The following CADPS variants were observed in gnomAD, a reference collection of about 807,000 sequenced individuals.
The protein encoded by CADPS is calcium dependent secretion activator.
Under a neutral mutation model 167.3 loss-of-function variants are expected in CADPS, and 57 were observed. That is an observed-to-expected ratio of 0.34 (90% CI 0.28 to 0.42). The LOEUF (loss-of-function observed/expected upper bound fraction) is 0.42, where lower values mean the gene tolerates loss of function less well. CADPS is among the 20% of genes least tolerant of loss of function. The pLI is 1.00. For synonymous variants in CADPS, 676 were observed against 635.3 expected (o/e 1.06, Z -0.96); for missense variants, 1,414 against 1,738.1 (o/e 0.81, Z 3.32).
intron 3 of CADPS, among the ~76,000 whole-genome samples, chr3:62,688,969 T>G (rs112171659): frequency 0.016 from 2,433 of 151,964 alleles, 79 homozygotes; most frequent in African/African-American, 0.056. Flanking sequence ...TCCAGATGAG[T>G]CCCAGAAAAA....
At chr3:62,684,612 A>G (rs550365035) in intron 3 of CADPS, among the ~76,000 whole-genome samples, 2 of 152,148 alleles carry the variant, frequency 1.3e-5, no homozygotes, top group South Asian at 2.1e-4. Context: ...CCAAGATTCA[A>G]CTAAACATCC....
chr3:62,550,971 C>T, intron 10 of CADPS: 1 of 455,268 alleles, frequency 2.2e-6, no homozygotes, highest in Non-Finnish European at 4.4e-6. Flanking sequence ...GGCTCCTCCT[C>T]CTCCTCTTCC....
In CADPS at chr3:62,499,140, ACTTCCCACCAAGC is replaced by A; in HGVS notation, c.2706+9_2706+21del. Reference sequence around the variant, plus strand: ...GCTCAGCTAAGGGACAGTAAGATACACTTCCCACCAAGCCTGCTCACCTCTGCGTGGTGCTCCT... The same window carrying A: ...GCTCAGCTAAGGGACAGTAAGATACACTGCTCACCTCTGCGTGGTGCTCCT... On this transcript the variant is annotated intron_variant, in intron 18 of 29. Coordinates refer to ENST00000383710, the MANE Select transcript of CADPS (RefSeq NM_003716.4). 6.7e-7 allele frequency: 1 copy of A among 1,498,356 alleles called. No homozygotes were observed. The highest frequency in any genetic ancestry group is 1.1e-5 in the South Asian group (1 of 88,602). The allele number at this position is 1,498,356 out of a possible 1,614,324, so 92.8% of individuals were successfully genotyped here.
chr3:62,573,836 G>A (rs562841275), intron 8 of CADPS, among the ~76,000 whole-genome samples: 69 of 152,270 alleles, frequency 4.5e-4, no homozygotes, highest in African/African-American at 1.6e-3. Flanking sequence ...TGGAGGGAAG[G>A]AACCCTGGTC....
At chr3:62,789,823 A>G (rs906444142) in intron 1 of CADPS, among the ~76,000 whole-genome samples, 1 of 152,182 alleles carries the variant, frequency 6.6e-6, no homozygotes, top group Non-Finnish European at 1.5e-5. Flanking sequence ...AACGTGTATC[A>G]AGCCTTATTA....
rs1704948488 is a variant in CADPS, at chr3:62,398,949, TAAAAAC to T, written c.*451_*456del. 1 of 152,536 alleles carries T rather than the reference TAAAAAC, an allele frequency of 6.6e-6. No homozygotes were observed. Among genetic ancestry groups the T allele is most frequent in the Admixed American group, 6.5e-5 (1 of 15,282 alleles). The allele number at this position is 152,536 out of a possible 1,614,324, so 9.4% of individuals were successfully genotyped here. ...CCTTTTGTTTTTCAAAAAATAAAAA[TAAAAAC>T]ACAAAGCAGATCTATGTGTTTTAAT... is the stretch of plus-strand genomic sequence containing the variant. On this transcript the variant is annotated 3_prime_UTR_variant, in exon 30 of 30. Transcript: ENST00000383710.
At chr3:62,490,547 A>G (rs1431257960) in intron 21 of CADPS, among the ~76,000 whole-genome samples, 1 of 152,220 alleles carries the variant, frequency 6.6e-6, no homozygotes, top group East Asian at 1.9e-4. Flanking sequence ...AAATTTGCCA[A>G]ACATTTGTGG....
rs1319371412 is a variant in CADPS at position 62,399,305 on chromosome 3, G to C, written c.*101C>G. On this transcript the variant is annotated 3_prime_UTR_variant, in exon 30 of 30. Transcript: ENST00000383710. The surrounding 1 kb of genome is among the most constrained non-coding windows in gnomAD (Gnocchi z 5.6). The stretch of plus-strand genomic sequence containing the variant: ...AGTTGTATTGATAAACATCTCATGG[G>C]CATGGTAGTTGACAGAAAATTCCTA... 9.3e-7 allele frequency: 1 copy of C among 1,070,672 alleles called. No individual in the cohort carries two copies. Among genetic ancestry groups the C allele is most frequent in the Non-Finnish European group, 1.4e-6 (1 of 722,088 alleles). 66.3% of individuals were successfully genotyped at this position (1,070,672 alleles called of 1,614,324 possible). A position where few individuals can be genotyped will look rare whatever the true frequency, so the allele number is the denominator to read the frequency against.
intron 18 of CADPS, among the ~76,000 whole-genome samples, chr3:62,494,426 A>G (rs2151155114): frequency 6.6e-6 from 1 of 152,304 alleles, no homozygotes; most frequent in South Asian, 2.1e-4. Context: ...GATTCCAGAC[A>G]TTTGAAAAAT....
rs549148077 is a variant in CADPS at position 62,457,345 on chromosome 3, C to A, written c.3636+8022G>T. ...GTGGCAGAACTGGAAAAATAAGAAA[C>A]CCCAGTGCACACTGAAATAAACCTG... On this transcript the variant is annotated intron_variant, in intron 26 of 29. Transcript: ENST00000383710. Among the ~76,000 whole-genome samples, 20 of 152,210 alleles carry A rather than the reference C, an allele frequency of 1.3e-4. 1 individual carries two copies. In the South Asian group the frequency reaches 3.5e-3, roughly 27 times the overall value.
intron 3 of CADPS, among the ~76,000 whole-genome samples, chr3:62,740,538 C>G (rs3846216): frequency 0.15 from 23,255 of 152,146 alleles, 2,333 homozygotes; most frequent in African/African-American, 0.29. Flanking sequence ...CCAGACATCT[C>G]AGATCATCTC....
intron 3 of CADPS, among the ~76,000 whole-genome samples, chr3:62,675,792 C>T (rs1045471523): frequency 6.6e-6 from 1 of 152,070 alleles, no homozygotes; most frequent in South Asian, 2.1e-4. Flanking sequence ...ATCCAGACAC[C>T]AGGCTAATCC....
intron 5 of CADPS, among the ~76,000 whole-genome samples, chr3:62,648,541 G>A (rs899800028): frequency 3.0e-4 from 46 of 151,706 alleles, no homozygotes; most frequent in Non-Finnish European, 3.2e-4. Flanking sequence ...GATTAGCTGG[G>A]TTTGGTGGTG....
Position 62,412,887 on chromosome 3 carries a change from A to G in CADPS, c.3778-9702T>C, listed in dbSNP as rs2049239557. Among the ~76,000 whole-genome samples the G allele has an allele frequency of 6.6e-6, 1 of 152,224 alleles. No homozygotes were observed. Among genetic ancestry groups the G allele is most frequent in the Non-Finnish European group, 1.5e-5 (1 of 68,030 alleles). ...ATTTTTAGCTAGCCAAAGCCAGAAT[A>G]CAAGTAAGTATGTTGCTTCTGAATC... On this transcript the variant is annotated intron_variant, in intron 28 of 29. Coordinates refer to ENST00000383710, the MANE Select transcript of CADPS (RefSeq NM_003716.4). The surrounding 1 kb of genome is among the most constrained non-coding windows in gnomAD (Gnocchi z 4.1).
intron 1 of CADPS, among the ~76,000 whole-genome samples, chr3:62,854,844 ACTGT>A (rs974376680): frequency 6.6e-6 from 1 of 152,178 alleles, no homozygotes; most frequent in Admixed American, 6.5e-5. Flanking sequence ...TAAAAAGTTG[ACTGT>A]CCTTTATATT....
chr3:62,740,977 C>T (rs533611590), intron 3 of CADPS, among the ~76,000 whole-genome samples: 1 of 152,306 alleles, frequency 6.6e-6, no homozygotes, highest in East Asian at 1.9e-4. Flanking sequence ...TTTATTCCTT[C>T]AAATTGCATT....
chr3:62,668,502 T>C (rs2074906361), intron 3 of CADPS, among the ~76,000 whole-genome samples: 1 of 152,154 alleles, frequency 6.6e-6, no homozygotes, highest in Non-Finnish European at 1.5e-5. Context: ...TCCTTATCTC[T>C]CCCTTGACTG....
chr3:62,774,762 T>C (rs2089848940), intron 1 of CADPS, among the ~76,000 whole-genome samples: 1 of 152,174 alleles, frequency 6.6e-6, no homozygotes, highest in Admixed American at 6.5e-5. Flanking sequence ...TGTTGTGAAA[T>C]GCCGTTTTGG....
chr3:62,549,326 T>C (rs1278470974), intron 11 of CADPS, among the ~76,000 whole-genome samples: 9 of 152,072 alleles, frequency 5.9e-5, no homozygotes, highest in Non-Finnish European at 1.2e-4. Flanking sequence ...AGAAATTAAA[T>C]GTATGCAGAG....
Sources: allele counts gnomAD v4.1 joint callset (sites outside exome capture counted in the v4.1 genomes callset), GRCh38; gene constraint gnomAD v4.1.1; non-coding constraint Gnocchi (gnomAD v3.1); transcripts MANE v1.5; gene names NCBI Gene and HGNC (gene_info 2026-07-23, HGNC 2026-07-21).